PCSK5: variants seen among roughly 807,000 people sequenced by gnomAD.
PCSK5 encodes the protein proprotein convertase subtilisin/kexin type 5.
In PCSK5, 129 loss-of-function variants were observed where a neutral mutation model predicts 233.2. That is an observed-to-expected ratio of 0.55 (90% confidence interval 0.48 to 0.64). The LOEUF is 0.64. Among genes scored for constraint, PCSK5 ranks in the 30% least tolerant of loss-of-function variants. The pLI is 0.00. For missense variants in PCSK5, 2,076 were observed against 2,430.1 expected, an observed-to-expected ratio of 0.85 and a Z score of 3.06; for synonymous variants, 825 against 879.2, an observed-to-expected ratio of 0.94 and a Z score of 1.09.
intron 5 of PCSK5, among the ~76,000 whole-genome samples, chr9:76,046,559 C>CTTT (rs553542037): frequency 5.2e-4 from 55 of 104,812 alleles, no homozygotes; most frequent in Non-Finnish European, 8.9e-4. Context: ...CTTTCTTTTT[C>CTTT]TTTTTTTTTT....
At chr9:76,351,426 C>CT (rs1460181338) in intron 36 of PCSK5, among the ~76,000 whole-genome samples, 1 of 110,812 alleles carries the variant, frequency 9.0e-6, no homozygotes, top group Non-Finnish European at 1.9e-5. Context: ...GAAACCGCCC[C>CT]CCCCTGCAAT....
intron 2 of PCSK5, among the ~76,000 whole-genome samples, chr9:75,965,895 C>G (rs1352277653): frequency 6.6e-6 from 1 of 152,150 alleles, no homozygotes; most frequent in Non-Finnish European, 1.5e-5. Flanking sequence ...CTGCAACCAC[C>G]ACCCGAGGGC....
chr9:76,203,668 G>A (rs1044282082), intron 20 of PCSK5, among the ~76,000 whole-genome samples: 2 of 152,118 alleles, frequency 1.3e-5, no homozygotes, highest in African/African-American at 4.8e-5. Flanking sequence ...ACCGTACCCA[G>A]CTGTCTTACC....
chr9:75,988,524 C>G lies in PCSK5; in HGVS notation c.411+2279C>G, dbSNP rs74505029. Reference sequence around the variant, plus strand: ...CTCGACCTCCTGGACTCAAGTGATCCTCCCACGTTAGCCTCCTAAATAGCT... The same window carrying G: ...CTCGACCTCCTGGACTCAAGTGATCGTCCCACGTTAGCCTCCTAAATAGCT... On this transcript the variant is annotated intron_variant, in intron 3 of 37. Transcript: ENST00000674117. Among the ~76,000 whole-genome samples, 393 of 152,224 alleles carry G rather than the reference C, an allele frequency of 2.6e-3. 14 individuals are homozygous for G. In the East Asian group the frequency reaches 0.067, roughly 26 times the overall value.
intron 24 of PCSK5, among the ~76,000 whole-genome samples, chr9:76,273,968 T>G (rs929087449): frequency 3.3e-5 from 5 of 151,802 alleles, no homozygotes; most frequent in South Asian, 2.1e-4. Flanking sequence ...GTTTTGTTTT[T>G]TTTTTTCCAA....
At chr9:75,973,294 A>G (rs571706953) in intron 2 of PCSK5, among the ~76,000 whole-genome samples, 1 of 152,268 alleles carries the variant, frequency 6.6e-6, no homozygotes, top group Admixed American at 6.5e-5. Context: ...TTGTGACAAA[A>G]CTTCATTGGT....
At chr9:76,335,567 T>G (rs938649637) in intron 34 of PCSK5, among the ~76,000 whole-genome samples, 2 of 152,210 alleles carry the variant, frequency 1.3e-5, no homozygotes, top group African/African-American at 4.8e-5. Flanking sequence ...TCTTCAAGGC[T>G]GGGAGGCTCA....
rs73458350 is a variant in PCSK5 at position 76,165,674 on chromosome 9, T to G, written c.1620-4030T>G. Among the ~76,000 whole-genome samples, 849 of 152,302 alleles carry G rather than the reference T, an allele frequency of 5.6e-3. 10 individuals are homozygous for G. Among genetic ancestry groups the G allele is most frequent in the African/African-American group, 0.02 (814 of 41,548 alleles). ...TTTCATCGAGCACGTGATTATGAAGTCAACTTTGACAGGACAGAATTTCAC... is the reference window on the plus strand; with the variant it reads ...TTTCATCGAGCACGTGATTATGAAGGCAACTTTGACAGGACAGAATTTCAC... On this transcript the variant is annotated intron_variant, in intron 12 of 37. Coordinates refer to ENST00000674117, the MANE Select transcript of PCSK5 (RefSeq NM_001372043.1).
chr9:76,059,900 G>T (rs560028124), intron 5 of PCSK5, among the ~76,000 whole-genome samples: 1 of 152,260 alleles, frequency 6.6e-6, no homozygotes, highest in Admixed American at 6.5e-5. Flanking sequence ...ATGCAAGCTA[G>T]AAGACAGTGG....
intron 2 of PCSK5, among the ~76,000 whole-genome samples, chr9:75,983,626 G>A (rs67856772): frequency 0.11 from 16,125 of 152,192 alleles, 1,097 homozygotes; most frequent in Middle Eastern, 0.2. Context: ...TGAATTAACT[G>A]TAGTTCCTTA....
chr9:76,026,551 G>A (rs1387305526), intron 4 of PCSK5, among the ~76,000 whole-genome samples: 1 of 152,180 alleles, frequency 6.6e-6, no homozygotes, highest in Non-Finnish European at 1.5e-5. Context: ...AAGAAATCAA[G>A]TAAGGAGTAG....
intron 5 of PCSK5, among the ~76,000 whole-genome samples, chr9:76,028,292 T>C (rs1230664366): frequency 6.6e-6 from 1 of 152,192 alleles, no homozygotes; most frequent in Non-Finnish European, 1.5e-5. Flanking sequence ...ACAGAGCCAT[T>C]TTACCAAGAC....
chr9:76,174,225 T>C lies in PCSK5; in HGVS notation c.1757-761T>C, dbSNP rs145103256. Among the ~76,000 whole-genome samples the C allele has an allele frequency of 2.2e-3, 330 of 152,258 alleles. 3 individuals carry two copies. The highest frequency in any genetic ancestry group is 7.6e-3 in the African/African-American group (315 of 41,540). On this transcript the variant is annotated intron_variant, in intron 13 of 37. Coordinates refer to ENST00000674117, the MANE Select transcript of PCSK5 (RefSeq NM_001372043.1). ...AGTATAATTAGTGATGTTTTCTTAA[T>C]ATTGAATGACCGATACCAGGAATTA...
At chr9:75,919,049 A>G (rs759038157) in intron 1 of PCSK5, among the ~76,000 whole-genome samples, 21 of 152,322 alleles carry the variant, frequency 1.4e-4, no homozygotes, top group Non-Finnish European at 2.2e-4. Context: ...ATGGTTGTGT[A>G]GCCACCACCA....
At chr9:76,060,940 A>C (rs957371036) in intron 5 of PCSK5, among the ~76,000 whole-genome samples, 1 of 152,220 alleles carries the variant, frequency 6.6e-6, no homozygotes, top group African/African-American at 2.4e-5. Flanking sequence ...AAAAAGACCA[A>C]GTTATATTCT....
intron 2 of PCSK5, among the ~76,000 whole-genome samples, chr9:75,962,373 G>A (rs545610864): frequency 6.6e-6 from 1 of 152,350 alleles, no homozygotes; most frequent in African/African-American, 2.4e-5. Context: ...CTCGGCAGGT[G>A]CAGATCCAGC....
chr9:76,175,300 TA>T, intron 14 of PCSK5, 171 bp downstream of exon 14: 1 of 586,878 alleles, frequency 1.7e-6, no homozygotes, highest in Non-Finnish European at 3.0e-6. Context: ...TCGAATAGAA[TA>T]GAATAGAATA....
chr9:76,258,408 G>T (rs979187703), intron 24 of PCSK5, among the ~76,000 whole-genome samples: 3 of 152,206 alleles, frequency 2.0e-5, no homozygotes, highest in South Asian at 4.1e-4. Flanking sequence ...GAGAAGGAAA[G>T]TTCTTTTGAA....
chr9:76,229,335 C>T (rs902954886), intron 21 of PCSK5, among the ~76,000 whole-genome samples: 2 of 152,184 alleles, frequency 1.3e-5, no homozygotes, highest in Non-Finnish European at 2.9e-5. Context: ...GCAGCTACCA[C>T]CCTTCTTTTA....
Sources: gnomAD v4.1 joint callset for allele counts (sites outside exome capture counted in the v4.1 genomes callset) on GRCh38, gnomAD v4.1.1 for gene constraint, MANE v1.5 for transcripts, NCBI Gene and HGNC (gene_info 2026-07-23, HGNC 2026-07-21) for gene names.